HPSE2: variants seen among roughly 807,000 people sequenced by gnomAD.
HPSE2 encodes the protein heparanase 2 (inactive).
Under a neutral mutation model 60.5 loss-of-function variants are expected in HPSE2, and 38 were observed. That is an observed-to-expected ratio of 0.63 (90% CI 0.48 to 0.82). The LOEUF (loss-of-function observed/expected upper bound fraction) is 0.82. HPSE2 is among the 40% of genes least tolerant of loss of function. HPSE2 has a pLI of 0.00. For missense variants in HPSE2, 713 were observed against 740.4 expected, an observed-to-expected ratio of 0.96 and a Z score of 0.43; for synonymous variants, 295 against 293.2, an observed-to-expected ratio of 1.01 and a Z score of -0.06.
At chr10:99,093,863 G>A (rs1387563378) in intron 3 of HPSE2, among the ~76,000 whole-genome samples, 1 of 148,188 alleles carries the variant, frequency 6.7e-6, no homozygotes, top group African/African-American at 2.4e-5. Context: ...CCCTGCCTGT[G>A]TCCATCTCTA....
intron 3 of HPSE2, among the ~76,000 whole-genome samples, chr10:99,068,393 A>G (rs1317485893): frequency 6.6e-6 from 1 of 152,238 alleles, no homozygotes; most frequent in Non-Finnish European, 1.5e-5. Context: ...GGAGACTCAC[A>G]ATCATGGCAG....
chr10:99,224,972 C>G (rs1849425910), intron 2 of HPSE2, among the ~76,000 whole-genome samples: 1 of 152,044 alleles, frequency 6.6e-6, no homozygotes, highest in South Asian at 2.1e-4. Flanking sequence ...TACACTGTGA[C>G]TAGACATGGT....
intron 3 of HPSE2, among the ~76,000 whole-genome samples, chr10:98,826,654 A>T (rs1951554830): frequency 6.6e-6 from 1 of 152,272 alleles, no homozygotes; most frequent in African/African-American, 2.4e-5. Flanking sequence ...GCCATGAGGA[A>T]AACAAATATC....
intron 3 of HPSE2, among the ~76,000 whole-genome samples, chr10:98,833,679 C>A (rs185976251): frequency 6.6e-6 from 1 of 152,248 alleles, no homozygotes; most frequent in East Asian, 1.9e-4. Context: ...CTGCTATGTT[C>A]GTCACATCAC....
At chr10:99,197,323 T>C (rs1848435526) in intron 2 of HPSE2, among the ~76,000 whole-genome samples, 1 of 152,064 alleles carries the variant, frequency 6.6e-6, no homozygotes, top group Non-Finnish European at 1.5e-5. Context: ...AACAGAGTGA[T>C]TACAGTAAAT....
intron 9 of HPSE2, among the ~76,000 whole-genome samples, chr10:98,566,435 G>A (rs571173383): frequency 5.9e-5 from 9 of 152,326 alleles, no homozygotes; most frequent in African/African-American, 1.2e-4. Flanking sequence ...GCACATGCAC[G>A]GGAGGCATTT....
intron 6 of HPSE2, among the ~76,000 whole-genome samples, chr10:98,661,704 C>G (rs993353436): frequency 1.3e-5 from 2 of 152,126 alleles, no homozygotes. Context: ...TAATTTTTAT[C>G]TAGTCAATTC....
intron 3 of HPSE2, among the ~76,000 whole-genome samples, chr10:99,076,011 T>C (rs1842940537): frequency 6.6e-6 from 1 of 152,182 alleles, no homozygotes; most frequent in Non-Finnish European, 1.5e-5. Flanking sequence ...TCAAACCACT[T>C]ACATGTAATG....
intron 2 of HPSE2, among the ~76,000 whole-genome samples, chr10:99,149,718 T>C (rs1846188618): frequency 6.6e-6 from 1 of 152,156 alleles, no homozygotes; most frequent in Non-Finnish European, 1.5e-5. Context: ...CTTTTATGGT[T>C]CCACAAAAAT....
chr10:98,868,102 TAAA>T, intron 3 of HPSE2, among the ~76,000 whole-genome samples: 1 of 149,846 alleles, frequency 6.7e-6, no homozygotes, highest in South Asian at 2.1e-4. Flanking sequence ...AATAAATAAA[TAAA>T]TAAATAAATA....
intron 3 of HPSE2, among the ~76,000 whole-genome samples, chr10:99,001,886 T>C (rs1396688291): frequency 6.6e-6 from 1 of 152,136 alleles, no homozygotes; most frequent in Non-Finnish European, 1.5e-5. Context: ...TTTTTTTCTG[T>C]AACAGGTCAG....
intron 9 of HPSE2, among the ~76,000 whole-genome samples, chr10:98,607,930 T>G (rs1035967862): frequency 2.0e-5 from 3 of 152,230 alleles, no homozygotes; most frequent in Non-Finnish European, 2.9e-5. Flanking sequence ...TATTGTGACT[T>G]ATAGAATTTT....
chr10:98,989,433 G>C lies in HPSE2; in HGVS notation c.610+154805C>G, dbSNP rs1471363707. Among the ~76,000 whole-genome samples, 3 of 150,804 alleles carry C rather than the reference G, an allele frequency of 2.0e-5. No homozygotes were observed. The East Asian group carries it at 5.9e-4, about 30-fold the overall frequency. On this transcript the variant is annotated intron_variant, in intron 3 of 11. Coordinates refer to ENST00000370552, the MANE Select transcript of HPSE2 (RefSeq NM_021828.5). The stretch of plus-strand genomic sequence containing the variant: ...ACACTGCATGTTCTCACTCATAGGT[G>C]GGAATTGAACAATGAGAACACATGG...
At chr10:99,109,752 A>G (rs1263001659) in intron 3 of HPSE2, among the ~76,000 whole-genome samples, 1 of 152,198 alleles carries the variant, frequency 6.6e-6, no homozygotes, top group Non-Finnish European at 1.5e-5. Flanking sequence ...AAAATTTTCC[A>G]TACACTAGGT....
At chr10:98,801,767 C>A (rs1279270928) in intron 3 of HPSE2, among the ~76,000 whole-genome samples, 3 of 152,080 alleles carry the variant, frequency 2.0e-5, no homozygotes, top group African/African-American at 7.2e-5. Flanking sequence ...TTCACACTAC[C>A]CAGACCAATC....
intron 4 of HPSE2, among the ~76,000 whole-genome samples, chr10:98,732,817 T>G (rs1276249382): frequency 6.6e-6 from 1 of 152,092 alleles, no homozygotes; most frequent in African/African-American, 2.4e-5. Context: ...AAAGATGCCA[T>G]CAAGTTACAA....
intron 3 of HPSE2, among the ~76,000 whole-genome samples, chr10:98,908,474 A>T (rs570150064): frequency 1.2e-4 from 18 of 152,254 alleles, no homozygotes; most frequent in Non-Finnish European, 1.0e-4. Context: ...ACCTGAGGTC[A>T]GGAGTTCAAG....
At position 98,741,579 on chromosome 10, in the gene HPSE2, T is replaced by G. The variant is rs149888739; in HGVS notation, c.784+2304A>C. Among the ~76,000 whole-genome samples the G allele has an allele frequency of 3.8e-4, 58 of 152,244 alleles. No individual in the cohort carries two copies. The East Asian group carries it at 8.9e-3, about 23-fold the overall frequency. ...CCAATTATGCCAGTTGTAGATTTAT[T>G]TAATTTAACAAGCTCCCACATTCAG... is the stretch of plus-strand genomic sequence containing the variant. On this transcript the variant is annotated intron_variant, in intron 4 of 11. Transcript: ENST00000370552.
intron 3 of HPSE2, among the ~76,000 whole-genome samples, chr10:99,115,497 G>A (rs1256714348): frequency 1.3e-5 from 2 of 151,232 alleles, no homozygotes; most frequent in Non-Finnish European, 2.9e-5. Context: ...GCTTTGCTAT[G>A]TTGCCCAGGC....
Sources: gnomAD v4.1 joint callset for allele counts (sites outside exome capture counted in the v4.1 genomes callset) on GRCh38, gnomAD v4.1.1 for gene constraint, MANE v1.5 for transcripts, NCBI Gene and HGNC (gene_info 2026-07-23, HGNC 2026-07-21) for gene names.